The following LARGE1 variants were observed in gnomAD, a reference collection of about 807,000 sequenced individuals.
LARGE1 encodes xylosyl- and glucuronyltransferase LARGE1.
In LARGE1, 43 loss-of-function variants were observed where a neutral mutation model predicts 87.6. The observed-to-expected ratio is 0.49, with a 90% CI of 0.38 to 0.63. The LOEUF (loss-of-function observed/expected upper bound fraction) is 0.63, where lower values mean the gene tolerates loss of function less well. Among genes scored for constraint, LARGE1 ranks in the 30% least tolerant of loss-of-function variants. LARGE1 has a pLI of 0.00. For missense variants in LARGE1, 802 were observed against 1,000.2 expected, an observed-to-expected ratio of 0.80 and a Z score of 2.67; for synonymous variants, 434 against 394.6, an observed-to-expected ratio of 1.10 and a Z score of -1.18.
chr22:33,348,289 C>CCCCAA (rs1569081859), intron 9 of LARGE1, among the ~76,000 whole-genome samples: 13 of 124,052 alleles, frequency 1.0e-4, no homozygotes, highest in South Asian at 3.1e-4. Flanking sequence ...CACCCCCCCC[C>CCCCAA]AAAAAAAAAG....
intron 7 of LARGE1, among the ~76,000 whole-genome samples, chr22:33,429,342 T>A (rs2066997947): frequency 6.6e-6 from 1 of 152,184 alleles, no homozygotes; most frequent in African/African-American, 2.4e-5. Context: ...GACACATCAC[T>A]TCAACAGGGC....
chr22:33,417,949 T>C (rs144665186), intron 7 of LARGE1, among the ~76,000 whole-genome samples: 1 of 152,232 alleles, frequency 6.6e-6, no homozygotes, highest in Non-Finnish European at 1.5e-5. Context: ...TGGAGGAAAT[T>C]CTCTGCTCTT....
intron 10 of LARGE1, among the ~76,000 whole-genome samples, chr22:33,317,706 C>T (rs1002929619): frequency 1.3e-5 from 2 of 152,164 alleles, no homozygotes; most frequent in Non-Finnish European, 2.9e-5. Context: ...TGAACCCCTA[C>T]CAGGCAGGTA....
At chr22:33,338,048 T>C (rs1314670410) in intron 9 of LARGE1, among the ~76,000 whole-genome samples, 1 of 152,148 alleles carries the variant, frequency 6.6e-6, no homozygotes, top group Admixed American at 6.5e-5. Flanking sequence ...TGTGCCTCAG[T>C]TTCCTCATCT....
the LARGE1 span, among the ~76,000 whole-genome samples, chr22:33,113,587 T>A: frequency 6.6e-6 from 1 of 152,196 alleles, no homozygotes; most frequent in Non-Finnish European, 1.5e-5. Flanking sequence ...CCAAGAGAGC[T>A]TAAGTGACTT....
downstream of LARGE1, among the ~76,000 whole-genome samples, chr22:33,268,660 C>T (rs1427003543): frequency 6.6e-6 from 1 of 152,078 alleles, no homozygotes; most frequent in Admixed American, 6.5e-5. Flanking sequence ...ATCTCCTGAC[C>T]TCGTGATCTG....
At chr22:33,523,031 T>A (rs986593622) in intron 6 of LARGE1, among the ~76,000 whole-genome samples, 1 of 151,606 alleles carries the variant, frequency 6.6e-6, no homozygotes, top group Admixed American at 6.6e-5. Flanking sequence ...TGAAATGGAG[T>A]TTCACTCTTG....
At chr22:33,259,995 T>A (rs138764237) in intron 11 of LARGE1, among the ~76,000 whole-genome samples, 4 of 152,172 alleles carry the variant, frequency 2.6e-5, no homozygotes, top group Non-Finnish European at 4.4e-5. Flanking sequence ...TCAACTCCCA[T>A]TATCGAGCAG....
intron 14 of LARGE1, among the ~76,000 whole-genome samples, chr22:33,276,552 G>T (rs755452429): frequency 1.3e-5 from 2 of 152,220 alleles, no homozygotes; most frequent in African/African-American, 4.8e-5. Context: ...TTTGAAGTAG[G>T]AGCTCAATAC....
chr22:33,236,629 A>T (rs1444959103), intron 11 of LARGE1, among the ~76,000 whole-genome samples: 1 of 152,200 alleles, frequency 6.6e-6, no homozygotes, highest in Non-Finnish European at 1.5e-5. Flanking sequence ...GGATGTAAAC[A>T]TTGAACTCAA....
chr22:33,260,824 C>A (rs918855777), intron 11 of LARGE1, among the ~76,000 whole-genome samples: 3 of 152,182 alleles, frequency 2.0e-5, no homozygotes, highest in Non-Finnish European at 2.9e-5. Context: ...AAGCCCCTTG[C>A]AGGCTCTGGC....
intron 12 of LARGE1, among the ~76,000 whole-genome samples, chr22:33,287,798 G>A (rs946944271): frequency 2.0e-5 from 3 of 152,220 alleles, no homozygotes; most frequent in African/African-American, 4.8e-5. Context: ...GGCCCACCCT[G>A]AGAAGCTGAG....
At chr22:33,475,330 G>C (rs2069025999) in intron 6 of LARGE1, among the ~76,000 whole-genome samples, 3 of 152,148 alleles carry the variant, frequency 2.0e-5, no homozygotes, top group Admixed American at 1.3e-4. Flanking sequence ...TTATGTGATA[G>C]AGATGGTTAT....
chr22:33,696,396 A>G (rs2082252366), intron 2 of LARGE1, among the ~76,000 whole-genome samples: 1 of 151,212 alleles, frequency 6.6e-6, no homozygotes, highest in Non-Finnish European at 1.5e-5. Flanking sequence ...CTGAGTAGCT[A>G]GGACTACAGG....
At chr22:33,163,401 G>A (rs1391350326) in exon 12 of LARGE1, 4 of 152,164 alleles carry the variant, frequency 2.6e-5, no homozygotes, top group African/African-American at 9.7e-5. Flanking sequence ...CCATCTTTGT[G>A]TTTCAATACT....
intron 2 of LARGE1, chr22:33,726,240 A>G (rs1362335097): frequency 1.3e-5 from 2 of 152,216 alleles, no homozygotes; most frequent in Admixed American, 6.5e-5. Context: ...AGGCAGACAG[A>G]TTGAGACAAA....
intron 7 of LARGE1, among the ~76,000 whole-genome samples, chr22:33,404,803 G>T (rs1016987313): frequency 6.6e-6 from 1 of 152,204 alleles, no homozygotes. Context: ...GGGGAAGGGG[G>T]TTGGAGCCAA....
chr22:33,256,299 G>A (rs148363330), intron 11 of LARGE1, among the ~76,000 whole-genome samples: 97 of 152,294 alleles, frequency 6.4e-4, no homozygotes, highest in African/African-American at 1.9e-3. Flanking sequence ...CAGAGCCAGC[G>A]TTCTTTGAAA....
chr22:33,324,388 G>A (rs185533081), intron 10 of LARGE1, among the ~76,000 whole-genome samples: 1 of 150,430 alleles, frequency 6.6e-6, no homozygotes, highest in Non-Finnish European at 1.5e-5. Flanking sequence ...GAGCCATGGA[G>A]CCGGAGGGAG....
Sources: gnomAD v4.1 joint callset for allele counts (sites outside exome capture counted in the v4.1 genomes callset) on GRCh38, gnomAD v4.1.1 for gene constraint, MANE v1.5 for transcripts, NCBI Gene and HGNC (gene_info 2026-07-23, HGNC 2026-07-21) for gene names.